GCA: variants seen among roughly 807,000 people sequenced by gnomAD.
GCA encodes the protein grancalcin, EF-hand calcium-binding protein.
In GCA, 30 loss-of-function variants were observed where a neutral mutation model predicts 32.6. The ratio of observed to expected loss-of-function variants is 0.92; its 90% CI spans 0.69 to 1.25. The LOEUF (loss-of-function observed/expected upper bound fraction) is 1.25, where lower values mean the gene tolerates loss of function less well. Among genes scored for constraint, GCA ranks in the 50% most tolerant of loss-of-function variants. The probability of loss-of-function intolerance (pLI) is 0.00; values close to 1 mark genes in which losing one functional copy is unlikely to be tolerated. For synonymous variants in GCA, 102 were observed against 84.6 expected, an observed-to-expected ratio of 1.21 and a Z score of -1.13; for missense variants, 291 against 266.8, an observed-to-expected ratio of 1.09 and a Z score of -0.63.
intron 1 of GCA, among the ~76,000 whole-genome samples, chr2:162,323,851 C>T (rs1444290765): frequency 1.3e-5 from 2 of 151,940 alleles, no homozygotes; most frequent in South Asian, 2.1e-4. Context: ...GTGATGCCTC[C>T]AGCTTTGTTC....
intron 1 of GCA, among the ~76,000 whole-genome samples, chr2:162,332,087 A>T (rs1418234542): frequency 6.6e-6 from 1 of 152,008 alleles, no homozygotes; most frequent in African/African-American, 2.4e-5. Context: ...AGGCAGGCAG[A>T]TCATGAGGTC....
intron 1 of GCA, among the ~76,000 whole-genome samples, chr2:162,333,117 A>T (rs1684154146): frequency 6.6e-6 from 1 of 152,084 alleles, no homozygotes; most frequent in African/African-American, 2.4e-5. Context: ...CAGAGCCAGC[A>T]GCTGCCTTTA....
downstream of GCA, chr2:162,373,363 AG>A: frequency 1.4e-6 from 1 of 694,672 alleles, no homozygotes; most frequent in Non-Finnish European, 2.2e-6. Context: ...AAACAGAGAT[AG>A]GGACAGAAAT....
chr2:162,373,547 G>T (rs1686044453), downstream of GCA: 2 of 1,592,532 alleles, frequency 1.3e-6, no homozygotes, highest in Non-Finnish European at 1.7e-6. Flanking sequence ...TGGATGATGG[G>T]TCTCTGATAT....
In GCA at chr2:162,361,603, C is replaced by A. The variant is rs1685572994; in HGVS notation, c.*1360C>A. 1 of 982,202 alleles carries A rather than the reference C, an allele frequency of 1.0e-6. No homozygotes were observed. The highest frequency in any genetic ancestry group is 1.2e-6 in the Non-Finnish European group (1 of 827,398). The allele number at this position is 982,202 out of a possible 1,614,324, so 60.8% of individuals were successfully genotyped here. A position where few individuals can be genotyped will look rare whatever the true frequency, so the allele number is the denominator to read the frequency against. Reference sequence around the variant, plus strand: ...TAAATCAGCCTTCACTTAAAAAAATCCTGGAAAGGAAGTAACGCATAGTCA... The same window carrying A: ...TAAATCAGCCTTCACTTAAAAAAATACTGGAAAGGAAGTAACGCATAGTCA... On this transcript the variant is annotated 3_prime_UTR_variant, in exon 8 of 8. Transcript: ENST00000437150.
upstream of GCA, among the ~76,000 whole-genome samples, chr2:162,341,267 TTATA>T (rs3052040): frequency 0.015 from 1,695 of 116,198 alleles, 28 homozygotes; most frequent in African/African-American, 0.035. Context: ...CTTATTTATT[TTATA>T]TATATATATA....
downstream of GCA, among the ~76,000 whole-genome samples, chr2:162,365,561 A>G (rs571160690): frequency 6.6e-6 from 1 of 151,834 alleles, no homozygotes; most frequent in South Asian, 2.1e-4. Context: ...AAGCATTCCA[A>G]GGTACTTACT....
intron 3 of GCA, among the ~76,000 whole-genome samples, chr2:162,355,767 C>A (rs764794598): frequency 9.2e-5 from 14 of 151,438 alleles, no homozygotes; most frequent in Non-Finnish European, 2.1e-4. Flanking sequence ...CCGAGAAAAA[C>A]CAGTTGCTTC....
chr2:162,362,083 A>T lies in GCA; in HGVS notation c.*1840A>T, dbSNP rs984664450. On this transcript the variant is annotated 3_prime_UTR_variant, in exon 8 of 8. Coordinates refer to ENST00000437150, the MANE Select transcript of GCA (RefSeq NM_012198.5). ...ATTTTCATTTAAAAATGTTCTTATG[A>T]CTTTTGGTCATAGAAGGTCTATGAA... 1.0e-6 allele frequency: 1 copy of T among 983,288 alleles called. No individual in the cohort carries two copies. Among genetic ancestry groups the T allele is most frequent in the Non-Finnish European group, 1.2e-6 (1 of 828,334 alleles). The allele number at this position is 983,288 out of a possible 1,614,324, so 60.9% of individuals were successfully genotyped here.
chr2:162,372,298 G>A (rs771315318), downstream of GCA, among the ~76,000 whole-genome samples: 4 of 151,906 alleles, frequency 2.6e-5, no homozygotes, highest in Non-Finnish European at 5.9e-5. Context: ...ACCATTCCAA[G>A]AACTTTTATT....
At chr2:162,339,041 G>A (rs1395658022) in intron 1 of GCA, among the ~76,000 whole-genome samples, 1 of 152,170 alleles carries the variant, frequency 6.6e-6, no homozygotes, top group Non-Finnish European at 1.5e-5. Flanking sequence ...AGAAAACTGT[G>A]TTATTGAGAG....
intron 2 of GCA, among the ~76,000 whole-genome samples, 197 bp from the exon 3 acceptor site, chr2:162,352,141 G>A (rs1685032476): frequency 1.3e-5 from 2 of 152,118 alleles, no homozygotes; most frequent in South Asian, 4.1e-4. Flanking sequence ...TTCAGAAGTG[G>A]AAGAAATTAT....
chr2:162,340,576 TA>T (rs1249799367), upstream of GCA, among the ~76,000 whole-genome samples: 4 of 152,118 alleles, frequency 2.6e-5, no homozygotes, highest in Non-Finnish European at 5.9e-5. Flanking sequence ...TCCTAAATCG[TA>T]TCATGTCCCA....
chr2:162,328,233 A>AT (rs1475092216), intron 1 of GCA, among the ~76,000 whole-genome samples: 1 of 151,816 alleles, frequency 6.6e-6, no homozygotes, highest in African/African-American at 2.4e-5. Context: ...AAAAAAAAAA[A>AT]AAAAAAAAAT....
Position 162,344,207 on chromosome 2 carries a change from C to T in GCA, c.-42C>T, listed in dbSNP as rs772767492. 9 of 1,612,470 alleles carry T rather than the reference C, an allele frequency of 5.6e-6. No homozygotes were observed. The highest frequency in any genetic ancestry group is 2.7e-5 in the African/African-American group (2 of 74,918). On this transcript the variant is annotated 5_prime_UTR_variant, in exon 1 of 8. It adds an upstream start codon to the 5' untranslated region. Transcript: ENST00000437150. Reference sequence around the variant, plus strand: ...GTGCTTTTTCTCCCAGCACTGCGGACGCGACTCGAGGGTGACGCTCGCTCC... The same window carrying T: ...GTGCTTTTTCTCCCAGCACTGCGGATGCGACTCGAGGGTGACGCTCGCTCC...
intron 1 of GCA, among the ~76,000 whole-genome samples, chr2:162,321,907 T>A (rs1558881548): frequency 9.0e-6 from 1 of 110,964 alleles, no homozygotes; most frequent in African/African-American, 3.8e-5. Context: ...TATATATATA[T>A]ATATATATAT....
In GCA at chr2:162,344,373, C is replaced by T. The variant is rs77262079; in HGVS notation, c.27+98C>T. The T allele has an allele frequency of 4.3e-4, 509 of 1,174,874 alleles. No individual in the cohort carries two copies. The African/African-American group carries it at 6.5e-3, about 15-fold the overall frequency. 72.8% of individuals were successfully genotyped at this position (1,174,874 alleles called of 1,614,324 possible). Reference sequence around the variant, plus strand: ...CGGGTCCGCCCTTGGCTCCTGCTCCCTGCGTCCGCGCCTGGTACTCGGCGG... The same window carrying T: ...CGGGTCCGCCCTTGGCTCCTGCTCCTTGCGTCCGCGCCTGGTACTCGGCGG... On this transcript the variant is annotated intron_variant, in intron 1 of 7. Transcript: ENST00000437150.
chr2:162,359,597 C>G (rs1249120353), intron 7 of GCA, 45 bp downstream of exon 7: 1 of 956,456 alleles, frequency 1.0e-6, no homozygotes. Flanking sequence ...CTAGATAGTT[C>G]TCAGTTAGTA....
At chr2:162,359,361 C>A in intron 6 of GCA, 133 bp from the exon 7 acceptor site, 1 of 589,742 alleles carries the variant, frequency 1.7e-6, no homozygotes, top group Non-Finnish European at 3.0e-6. Context: ...TCTCATATCT[C>A]TGTTGCCAGG....
Sources: gnomAD v4.1 joint callset for allele counts (sites outside exome capture counted in the v4.1 genomes callset) on GRCh38, gnomAD v4.1.1 for gene constraint, MANE v1.5 for transcripts, NCBI Gene and HGNC (gene_info 2026-07-23, HGNC 2026-07-21) for gene names.